The following CBFA2T3 variants were observed in gnomAD, a reference collection of about 807,000 sequenced individuals.
CBFA2T3 encodes the protein CBFA2/RUNX1 partner transcriptional co-repressor 3, also known as transcriptional corepressor CBFA2T3.
In CBFA2T3, 31 loss-of-function variants were observed where a neutral mutation model predicts 58.6. That is an observed-to-expected ratio of 0.53 (90% CI 0.40 to 0.71). CBFA2T3 has a LOEUF of 0.71. CBFA2T3 is among the 30% of genes least tolerant of loss of function. CBFA2T3 has a pLI of 0.00. For missense variants in CBFA2T3, 1,076 were observed against 963.1 expected, an observed-to-expected ratio of 1.12 and a Z score of -1.55; for synonymous variants, 531 against 421.9, an observed-to-expected ratio of 1.26 and a Z score of -3.17.
At chr16:88,924,609 C>T (rs1433894793) in intron 1 of CBFA2T3, among the ~76,000 whole-genome samples, 1 of 152,182 alleles carries the variant, frequency 6.6e-6, no homozygotes, top group Non-Finnish European at 1.5e-5. Context: ...GGGAGTGGCC[C>T]CTGCAAGGCA....
intron 5 of CBFA2T3, 51 bp downstream of exon 5, chr16:88,891,831 A>G: frequency 7.8e-7 from 1 of 1,290,244 alleles, no homozygotes; most frequent in South Asian, 1.2e-5. Context: ...AGTGGGATTA[A>G]GGGGCCTTCT....
At chr16:88,910,901 T>C (rs952785696) in intron 1 of CBFA2T3, among the ~76,000 whole-genome samples, 10 of 132,834 alleles carry the variant, frequency 7.5e-5, no homozygotes, top group Non-Finnish European at 1.6e-4. Context: ...GCCCCCAGCC[T>C]CCAGGGCTGT....
chr16:88,919,727 A>G (rs1233309458), intron 1 of CBFA2T3, among the ~76,000 whole-genome samples: 1 of 152,176 alleles, frequency 6.6e-6, no homozygotes, highest in East Asian at 1.9e-4. Context: ...TGTTTACTCT[A>G]AAAAGAAAGA....
intron 1 of CBFA2T3, among the ~76,000 whole-genome samples, chr16:88,974,972 G>T (rs578003103): frequency 2.0e-4 from 31 of 152,284 alleles, no homozygotes; most frequent in Admixed American, 5.2e-4. Context: ...ATAGGGCCGG[G>T]TGGTTGCACG....
intron 2 of CBFA2T3, 130 bp downstream of exon 2, chr16:88,901,374 C>T (rs1400880618): frequency 9.5e-6 from 5 of 528,890 alleles, no homozygotes; most frequent in South Asian, 2.8e-5. Flanking sequence ...CTCTGGGCCA[C>T]ACGAGCTCCT....
chr16:88,974,398 C>T (rs955481166), intron 1 of CBFA2T3, among the ~76,000 whole-genome samples: 16 of 152,062 alleles, frequency 1.1e-4, no homozygotes, highest in South Asian at 2.1e-4. Context: ...GAAGGGGTCC[C>T]GGCCCCCAGA....
chr16:88,938,382 G>C (rs1195660428), intron 1 of CBFA2T3: 5 of 152,428 alleles, frequency 3.3e-5, no homozygotes, highest in East Asian at 3.8e-4. Context: ...CAGGGGCCTG[G>C]AGACACTCGC....
At chr16:88,952,728 C>A (rs1972109581) in intron 1 of CBFA2T3, among the ~76,000 whole-genome samples, 1 of 152,170 alleles carries the variant, frequency 6.6e-6, no homozygotes, top group Non-Finnish European at 1.5e-5. Flanking sequence ...CCCTGATCTA[C>A]CCTTCCTGAG....
At chr16:88,968,345 G>T (rs1244851035) in intron 1 of CBFA2T3, among the ~76,000 whole-genome samples, 2 of 152,186 alleles carry the variant, frequency 1.3e-5, no homozygotes, top group African/African-American at 4.8e-5. Context: ...CCCACCCGCC[G>T]CCCGGAGAGC....
intron 1 of CBFA2T3, among the ~76,000 whole-genome samples, chr16:88,925,456 G>A (rs1971056291): frequency 6.6e-6 from 1 of 152,188 alleles, no homozygotes; most frequent in African/African-American, 2.4e-5. Flanking sequence ...ATTCTGCAGG[G>A]GAGGGAGGCC....
chr16:88,893,803 C>G (rs1969751303), intron 3 of CBFA2T3, among the ~76,000 whole-genome samples: 1 of 152,194 alleles, frequency 6.6e-6, no homozygotes, highest in African/African-American at 2.4e-5. Flanking sequence ...AGAGCTAAGG[C>G]CAAGCCTCTT....
intron 1 of CBFA2T3, among the ~76,000 whole-genome samples, chr16:88,934,239 C>T (rs572656470): frequency 1.5e-4 from 22 of 146,892 alleles, no homozygotes; most frequent in African/African-American, 2.7e-4. Context: ...CCATGCCCCT[C>T]GGCACATGGA....
Position 88,876,599 on chromosome 16 carries a change from G to GA in CBFA2T3, c.*376_*377insT, listed in dbSNP as rs1968836352. On this transcript the variant is annotated 3_prime_UTR_variant, in exon 12 of 12. Coordinates refer to ENST00000268679, the MANE Select transcript of CBFA2T3 (RefSeq NM_005187.6). ...TGTGTGATAGTCATAGAGAGAGAGA[G>GA]GATAGAGAAGACAGAGGGGGAGAGA... The GA allele has an allele frequency of 3.6e-6, 1 of 279,010 alleles. No homozygotes were observed. Among genetic ancestry groups the GA allele is most frequent in the African/African-American group, 2.1e-5 (1 of 46,744 alleles). The allele number at this position is 279,010 out of a possible 1,614,324, so 17.3% of individuals were successfully genotyped here.
At position 88,958,761 on chromosome 16, in the gene CBFA2T3, T is replaced by C. The variant is rs555528606; in HGVS notation, c.151+17896A>G. Among the ~76,000 whole-genome samples, 2 of 152,034 alleles carry C rather than the reference T, an allele frequency of 1.3e-5. No individual in the cohort carries two copies. Among genetic ancestry groups the C allele is most frequent in the Non-Finnish European group, 2.9e-5 (2 of 67,982 alleles). On this transcript the variant is annotated intron_variant, in intron 1 of 11. Transcript: ENST00000268679. This position sits in a 1 kb window ranked among gnomAD's most constrained non-coding sequence, Gnocchi z 4.0. The stretch of plus-strand genomic sequence containing the variant: ...CTCCCAGGGCTGGGGCCTCAGGGCC[T>C]CAGCGTAGCCCAGGTCTGCGCTGGC...
At chr16:88,878,077 G>C (rs1034375112) in intron 11 of CBFA2T3, among the ~76,000 whole-genome samples, 2 of 152,186 alleles carry the variant, frequency 1.3e-5, no homozygotes, top group African/African-American at 4.8e-5. Flanking sequence ...GGCCCCTGCC[G>C]GTCCCTCCGC....
At chr16:88,976,379 A>T (rs1330815774) in intron 1 of CBFA2T3, among the ~76,000 whole-genome samples, 1 of 151,558 alleles carries the variant, frequency 6.6e-6, no homozygotes, top group African/African-American at 2.4e-5. Context: ...CCACCCTCCT[A>T]GACGGGGCTG....
chr16:88,911,187 C>T, intron 1 of CBFA2T3, among the ~76,000 whole-genome samples: 1 of 152,276 alleles, frequency 6.6e-6, no homozygotes. Context: ...CTCACTCACT[C>T]CTGCTGCCCT....
At chr16:88,967,245 C>G (rs1464797189) in intron 1 of CBFA2T3, among the ~76,000 whole-genome samples, 2 of 147,978 alleles carry the variant, frequency 1.4e-5, no homozygotes, top group Non-Finnish European at 3.0e-5. Context: ...GCCACTCGGC[C>G]CCGACACGAG....
intron 1 of CBFA2T3, among the ~76,000 whole-genome samples, chr16:88,952,018 C>A (rs1383208930): frequency 6.6e-6 from 1 of 152,180 alleles, no homozygotes; most frequent in Non-Finnish European, 1.5e-5. Context: ...GCCCAGGACC[C>A]CTGTGCAGAG....
Sources: gnomAD v4.1 joint callset for allele counts (sites outside exome capture counted in the v4.1 genomes callset) on GRCh38, gnomAD v4.1.1 for gene constraint, Gnocchi (gnomAD v3.1) non-coding constraint, MANE v1.5 for transcripts, NCBI Gene and HGNC (gene_info 2026-07-23, HGNC 2026-07-21) for gene names.